BANP: variants seen among roughly 807,000 people sequenced by gnomAD.
The protein encoded by BANP is protein BANP.
In BANP, 11 loss-of-function variants were observed where a neutral mutation model predicts 68.1. The observed-to-expected ratio is 0.16, with a 90% confidence interval of 0.10 to 0.27. The LOEUF is 0.27. Ranked by LOEUF, BANP falls within the 10% of genes least tolerant of loss-of-function variation. The probability of loss-of-function intolerance (pLI) is 1.00; values close to 1 mark genes in which losing one functional copy is unlikely to be tolerated. For missense variants in BANP, 504 were observed against 722.7 expected (o/e 0.70, Z 3.47); for synonymous variants, 329 against 303.2 (o/e 1.09, Z -0.88).
chr16:88,054,200 T>C (rs1445851680), intron 11 of BANP, among the ~76,000 whole-genome samples: 1 of 77,116 alleles, frequency 1.3e-5, no homozygotes, highest in South Asian at 4.3e-4. Context: ...ACAACCACCC[T>C]AACGACTACC....
chr16:88,031,942 C>T (rs1171917645), intron 8 of BANP, among the ~76,000 whole-genome samples: 1 of 151,476 alleles, frequency 6.6e-6, no homozygotes, highest in African/African-American at 2.4e-5. Flanking sequence ...GTAGTTGGGA[C>T]TACAGACGCG....
intron 4 of BANP, among the ~76,000 whole-genome samples, chr16:87,991,865 C>T (rs1226331254): frequency 6.6e-6 from 1 of 152,148 alleles, no homozygotes; most frequent in African/African-American, 2.4e-5. Context: ...TATACCTTCT[C>T]TTACTTTAAT....
chr16:88,074,221 G>A (rs1429562207), intron 13 of BANP, among the ~76,000 whole-genome samples: 1 of 152,146 alleles, frequency 6.6e-6, no homozygotes, highest in East Asian at 1.9e-4. Flanking sequence ...CCCCACCCCA[G>A]TCATGCTTGG....
intron 4 of BANP, among the ~76,000 whole-genome samples, chr16:87,989,307 G>A (rs1392316425): frequency 3.9e-5 from 6 of 152,152 alleles, no homozygotes; most frequent in Admixed American, 3.9e-4. Flanking sequence ...TTGTAATTTT[G>A]GTGTAGTGAC....
chr16:87,974,586 G>A (rs11117332), intron 1 of BANP, among the ~76,000 whole-genome samples: 102,004 of 151,962 alleles, frequency 0.67, 34,957 homozygotes, highest in African/African-American at 0.79. Flanking sequence ...GGGAGGAGAG[G>A]TGGCGTATCA....
At position 87,981,105 on chromosome 16, in the gene BANP, A is replaced by T; in HGVS notation, c.140A>T (p.Asn47Ile). 6.2e-7 allele frequency: 1 copy of T among 1,614,040 alleles called. No homozygotes were observed. The highest frequency in any genetic ancestry group is 2.2e-5 in the East Asian group (1 of 44,892). ...TTGAAACGCCAGCGACTAGAAATCAATTGCCAGGATCCATCTATAAAGGTA... is the reference window on the plus strand; with the variant it reads ...TTGAAACGCCAGCGACTAGAAATCATTTGCCAGGATCCATCTATAAAGGTA... ...PALKRQRLEINCQDPSIKSFL... is the reference protein window; with the variant it reads ...PALKRQRLEIICQDPSIKSFL... Residue 47 changes from asparagine to isoleucine, a missense_variant, in exon 3 of 14, where the codon AAT becomes ATT. Physicochemically the swap from Asn to Ile is moderately radical, Grantham distance 149. This residue lies in a region of BANP where 238 missense variants were observed against 278.9 expected (regional missense o/e 0.85). Coordinates refer to ENST00000682872, the MANE Select transcript of BANP (RefSeq NM_001386991.1).
Position 87,953,258 on chromosome 16 carries a change from A to C in BANP, c.-69+1743A>C, listed in dbSNP as rs193275818. Among the ~76,000 whole-genome samples, 14 of 152,276 alleles carry C rather than the reference A, an allele frequency of 9.2e-5. No individual in the cohort carries two copies. The East Asian group carries it at 2.7e-3, about 29-fold the overall frequency. ...ATGTATACAATAGGAACGTCAATGAAAGACTTACAATGAAAAGCAATGGTC... is the reference window on the plus strand; with the variant it reads ...ATGTATACAATAGGAACGTCAATGACAGACTTACAATGAAAAGCAATGGTC... On this transcript the variant is annotated intron_variant, in intron 1 of 13. Transcript: ENST00000682872.
chr16:88,037,901 C>A, intron 10 of BANP, 72 bp from the exon 11 acceptor site: 1 of 1,458,326 alleles, frequency 6.9e-7, no homozygotes, highest in South Asian at 1.1e-5. Context: ...TGTGTCTTGG[C>A]GTGTTTGCCG....
At chr16:87,989,967 G>T (rs1298489602) in intron 4 of BANP, among the ~76,000 whole-genome samples, 3 of 151,976 alleles carry the variant, frequency 2.0e-5, no homozygotes, top group Middle Eastern at 3.2e-3. Flanking sequence ...GCAGGCCCGC[G>T]TGGCTGCGCG....
At chr16:88,058,554 C>A (rs1468145698) in intron 11 of BANP, among the ~76,000 whole-genome samples, 1 of 152,186 alleles carries the variant, frequency 6.6e-6, no homozygotes, top group Non-Finnish European at 1.5e-5. Context: ...CAGGCTGTTT[C>A]CTCTCACACA....
At chr16:87,958,269 C>T (rs2058485075) in intron 1 of BANP, among the ~76,000 whole-genome samples, 1 of 152,024 alleles carries the variant, frequency 6.6e-6, no homozygotes, top group Non-Finnish European at 1.5e-5. Flanking sequence ...GGGTCTGAAC[C>T]CACATCAATT....
chr16:88,054,184 A>G (rs2084272038), intron 11 of BANP, among the ~76,000 whole-genome samples: 1 of 118,856 alleles, frequency 8.4e-6, no homozygotes, highest in Non-Finnish European at 2.0e-5. Flanking sequence ...CATCATCATC[A>G]CCAACACAAC....
At chr16:88,056,562 C>T (rs9930033) in intron 11 of BANP, among the ~76,000 whole-genome samples, 72,767 of 151,614 alleles carry the variant, frequency 0.48, 20,258 homozygotes, top group Non-Finnish European at 0.65. Flanking sequence ...TCGAAGGGCT[C>T]GCTGTTAGCT....
chr16:87,988,789 C>T (rs1042406459), intron 4 of BANP, among the ~76,000 whole-genome samples: 8 of 152,160 alleles, frequency 5.3e-5, no homozygotes, highest in South Asian at 4.1e-4. Flanking sequence ...CTGCCCCCTG[C>T]GGTATCACAT....
chr16:88,050,486 C>G (rs1028961042), intron 11 of BANP, among the ~76,000 whole-genome samples: 5 of 152,046 alleles, frequency 3.3e-5, no homozygotes, highest in African/African-American at 1.2e-4. Flanking sequence ...ATAGCTGTGC[C>G]TCTTTAAGAC....
chr16:88,018,086 G>A lies in BANP; in HGVS notation c.656-342G>A, dbSNP rs181094916. Among the ~76,000 whole-genome samples, 17 of 152,268 alleles carry A rather than the reference G, an allele frequency of 1.1e-4. No homozygotes were observed. The highest frequency in any genetic ancestry group is 1.9e-4 in the East Asian group (1 of 5,176). On this transcript the variant is annotated intron_variant, in intron 6 of 13. Coordinates refer to ENST00000682872, the MANE Select transcript of BANP (RefSeq NM_001386991.1). This position sits in a 1 kb window ranked among gnomAD's most constrained non-coding sequence, Gnocchi z 7.7. ...TTCCGCTCTGCAGGTGGCTGGGGCA[G>A]GTACCAACTGTGTGCAAGGATATCG...
intron 12 of BANP, among the ~76,000 whole-genome samples, chr16:88,067,452 G>A (rs568921094): frequency 5.3e-5 from 8 of 152,224 alleles, no homozygotes; most frequent in Non-Finnish European, 5.9e-5. Context: ...GCGTGCCCCC[G>A]CCCTGAGACG....
At chr16:88,073,955 G>C (rs2091031896) in intron 13 of BANP, among the ~76,000 whole-genome samples, 1 of 152,262 alleles carries the variant, frequency 6.6e-6, no homozygotes, top group Non-Finnish European at 1.5e-5. Flanking sequence ...GCGTGCTTAA[G>C]GGGCCGCTTT....
chr16:88,074,570 C>G (rs1446677803), intron 13 of BANP, among the ~76,000 whole-genome samples: 3 of 152,166 alleles, frequency 2.0e-5, no homozygotes, highest in Non-Finnish European at 4.4e-5. Flanking sequence ...TGGCCACTGT[C>G]CTTGGAGGGC....
Sources: gnomAD v4.1 joint callset for allele counts (sites outside exome capture counted in the v4.1 genomes callset) on GRCh38, gnomAD v4.1.1 for gene constraint, gnomAD v4.1.1 regional missense constraint, Gnocchi (gnomAD v3.1) non-coding constraint, MANE v1.5 for transcripts, NCBI Gene and HGNC (gene_info 2026-07-23, HGNC 2026-07-21) for gene names.